PCDHGA6: variants seen among roughly 807,000 people sequenced by gnomAD.
PCDHGA6 encodes the protein protocadherin gamma subfamily A, 6, also known as protocadherin gamma-A6.
A neutral mutation model predicts 60.6 loss-of-function variants in PCDHGA6; 41 were observed. That is an observed-to-expected ratio of 0.68 (90% CI 0.53 to 0.88). The LOEUF (loss-of-function observed/expected upper bound fraction) is 0.88. Among genes scored for constraint, PCDHGA6 ranks in the 40% least tolerant of loss-of-function variants. PCDHGA6 has a pLI of 0.00. For synonymous variants in PCDHGA6, 594 were observed against 524.4 expected (o/e 1.13, Z -1.81); for missense variants, 1,312 against 1,203.0 (o/e 1.09, Z -1.34).
In PCDHGA6 at chr5:141,385,111, T is replaced by G. The variant is rs373196114; in HGVS notation, c.2424+8604T>G. 2.8e-5 allele frequency: 46 copies of G among 1,614,188 alleles called. No individual in the cohort carries two copies. The African/African-American group carries it at 5.6e-4, about 20-fold the overall frequency. On this transcript the variant is annotated intron_variant, in intron 1 of 3. Transcript: ENST00000517434. ...AGGTGGCTTGGCGAACGTGCCCACCTCGCACTTTGTGGGCATGGACGGGGT... is the reference window on the plus strand; with the variant it reads ...AGGTGGCTTGGCGAACGTGCCCACCGCGCACTTTGTGGGCATGGACGGGGT...
rs2095935492 is a variant in PCDHGA6 at position 141,415,755 on chromosome 5, T to TG, written c.2424+39248_2424+39249insG. ...GTTTATTAAGGTTTTTTTTTTTTTT[T>TG]TTTTTTTTTTTTTTTTTACTTTCTG... On this transcript the variant is annotated intron_variant, in intron 1 of 3. Coordinates refer to ENST00000517434, the MANE Select transcript of PCDHGA6 (RefSeq NM_018919.3). 10 of 1,387,646 alleles carry TG rather than the reference T, an allele frequency of 7.2e-6. No individual in the cohort carries two copies. The African/African-American group carries it at 1.4e-4, about 19-fold the overall frequency. The allele number at this position is 1,387,646 out of a possible 1,614,324, so 86.0% of individuals were successfully genotyped here.
At position 141,375,602 on chromosome 5, in the gene PCDHGA6, A is replaced by G. The variant is rs1237264318; in HGVS notation, c.1519A>G (p.Ile507Val). Reference protein sequence around the residue: ...QGAPLSSYVSINSDTGILYAL... With the variant: ...QGAPLSSYVSVNSDTGILYAL... Reference sequence around the variant, plus strand: ...GGCGCCCCTGTCCTCCTACGTGTCCATCAACTCCGACACTGGGATTCTGTA... The same window carrying G: ...GGCGCCCCTGTCCTCCTACGTGTCCGTCAACTCCGACACTGGGATTCTGTA... The change falls in exon 1 of 4, where the codon ATC becomes GTC. Residue 507 changes from isoleucine (I) to valine (V), a missense_variant. Transcript: ENST00000517434. 5 of 1,614,120 alleles carry G rather than the reference A, an allele frequency of 3.1e-6. No individual in the cohort carries two copies. Among genetic ancestry groups the G allele is most frequent in the African/African-American group, 1.3e-5 (1 of 75,042 alleles).
chr5:141,444,472 C>A (rs559334960), intron 1 of PCDHGA6, among the ~76,000 whole-genome samples: 2 of 151,850 alleles, frequency 1.3e-5, no homozygotes, highest in Non-Finnish European at 2.9e-5. Context: ...CGCCCGGTCG[C>A]GTACTGGATT....
At chr5:141,451,060 C>T (rs1241509553) in intron 1 of PCDHGA6, among the ~76,000 whole-genome samples, 1 of 151,562 alleles carries the variant, frequency 6.6e-6, no homozygotes, top group African/African-American at 2.4e-5. Context: ...GAACTCCTGA[C>T]CTTGTGATCC....
intron 1 of PCDHGA6, chr5:141,394,928 C>T (rs2093129787): frequency 7.4e-6 from 12 of 1,613,838 alleles, no homozygotes; most frequent in Non-Finnish European, 1.0e-5. Context: ...GTGTCTTCCT[C>T]GCCTTTGTCG....
At chr5:141,385,170 C>T (rs1561606866) in intron 1 of PCDHGA6, 2 of 1,614,212 alleles carry the variant, frequency 1.2e-6, no homozygotes, top group Non-Finnish European at 1.7e-6. Flanking sequence ...CCCATGAGGT[C>T]TCCCTCACCG....
In PCDHGA6 at chr5:141,477,850, G is replaced by C. The variant is rs2099420608; in HGVS notation, c.2425-16957G>C. On this transcript the variant is annotated intron_variant, in intron 1 of 3. Coordinates refer to ENST00000517434, the MANE Select transcript of PCDHGA6 (RefSeq NM_018919.3). The surrounding 1 kb of genome is among the most constrained non-coding windows in gnomAD (Gnocchi z 4.9). Reference sequence around the variant, plus strand: ...CTCGGCCAGGTGGGAGCTCGGTGGAGATGCTGCCTCGAGGTACCTCAGCTG... The same window carrying C: ...CTCGGCCAGGTGGGAGCTCGGTGGACATGCTGCCTCGAGGTACCTCAGCTG... 6.2e-6 allele frequency: 10 copies of C among 1,613,328 alleles called. No individual in the cohort carries two copies. Among genetic ancestry groups the C allele is most frequent in the Non-Finnish European group, 7.6e-6 (9 of 1,179,812 alleles).
At chr5:141,483,273 T>G (rs6860615) in intron 1 of PCDHGA6, among the ~76,000 whole-genome samples, 62,442 of 151,936 alleles carry the variant, frequency 0.41, 15,417 homozygotes, top group African/African-American at 0.7. Flanking sequence ...GTTTTAGAAA[T>G]ATTATTCTGT....
At chr5:141,414,964 G>C (rs1245472476) in intron 1 of PCDHGA6, 11 of 1,613,874 alleles carry the variant, frequency 6.8e-6, no homozygotes, top group Non-Finnish European at 9.3e-6. Context: ...CAAGGTGGTG[G>C]CGGTGGACAG....
intron 1 of PCDHGA6, chr5:141,414,594 C>T: frequency 1.2e-6 from 2 of 1,613,952 alleles, no homozygotes; most frequent in Non-Finnish European, 1.7e-6. Flanking sequence ...CCAGGGGTGC[C>T]TCCATCTTCT....
At chr5:141,393,194 C>A in intron 1 of PCDHGA6, 2 of 1,613,362 alleles carry the variant, frequency 1.2e-6, no homozygotes, top group Non-Finnish European at 1.7e-6. Context: ...TTGATATTAA[C>A]GATAATAACC....
rs914956962 is a variant in PCDHGA6, at chr5:141,420,736, A to G, written c.2424+44229A>G. Among the ~76,000 whole-genome samples, 4 of 152,370 alleles carry G rather than the reference A, an allele frequency of 2.6e-5. No individual in the cohort carries two copies. In the East Asian group the frequency reaches 7.7e-4, roughly 29 times the overall value. On this transcript the variant is annotated intron_variant, in intron 1 of 3. Coordinates refer to ENST00000517434, the MANE Select transcript of PCDHGA6 (RefSeq NM_018919.3). ...TCGTTCCTTTCAGTCGGTTAAAATC[A>G]ATTGGAACCAACTACAACCTACAAG...
In PCDHGA6 at chr5:141,376,465, T is replaced by A; in HGVS notation, c.2382T>A (p.Thr794=). ...AGAAAAGCGAGCCTCTTCTGATAAC[T>A]CAGGATTTACTTGAAACGAAAGGAG... is the stretch of plus-strand genomic sequence containing the variant. ...SYEKSEPLLI[T]QDLLETKGEP... The change falls in exon 1 of 4, where the codon ACT becomes ACA. Residue 794 remains threonine (T), a synonymous_variant. Coordinates refer to ENST00000517434, the MANE Select transcript of PCDHGA6 (RefSeq NM_018919.3). The A allele has an allele frequency of 1.9e-6, 3 of 1,614,178 alleles. No individual in the cohort carries two copies. The highest frequency in any genetic ancestry group is 2.2e-5 in the East Asian group (1 of 44,868).
intron 1 of PCDHGA6, chr5:141,384,297 C>A (rs753406812): frequency 1.2e-6 from 2 of 1,613,848 alleles, no homozygotes; most frequent in South Asian, 2.2e-5. Context: ...AGAACAACCC[C>A]AGAGGGGCCT....
intron 1 of PCDHGA6, chr5:141,384,388 CA>C (rs1780036142): frequency 2.5e-6 from 4 of 1,613,934 alleles, no homozygotes; most frequent in Non-Finnish European, 3.4e-6. Flanking sequence ...AGACACCATC[CA>C]GGGGGCTCCA....
intron 1 of PCDHGA6, among the ~76,000 whole-genome samples, chr5:141,380,761 A>G (rs952416806): frequency 6.6e-6 from 1 of 152,224 alleles, no homozygotes; most frequent in African/African-American, 2.4e-5. Flanking sequence ...GACACTATAA[A>G]TTAATTGAGA....
At chr5:141,451,019 G>A (rs1348607593) in intron 1 of PCDHGA6, among the ~76,000 whole-genome samples, 7 of 151,274 alleles carry the variant, frequency 4.6e-5, no homozygotes, top group Admixed American at 2.0e-4. Context: ...TAGTAGAGAC[G>A]AGGTTTCACC....
At chr5:141,423,066 C>T (rs1375575018) in intron 1 of PCDHGA6, 2 of 1,614,002 alleles carry the variant, frequency 1.2e-6, no homozygotes, top group South Asian at 1.1e-5. Context: ...TTAAGGCCAG[C>T]GAGCCGGGAC....
chr5:141,457,111 G>A (rs922281700), intron 1 of PCDHGA6, among the ~76,000 whole-genome samples: 4 of 152,120 alleles, frequency 2.6e-5, no homozygotes, highest in South Asian at 2.1e-4. Flanking sequence ...AGCAAAATAC[G>A]ACAGCAATGG....
Sources: gnomAD v4.1 joint callset for allele counts (sites outside exome capture counted in the v4.1 genomes callset) on GRCh38, gnomAD v4.1.1 for gene constraint, Gnocchi (gnomAD v3.1) non-coding constraint, MANE v1.5 for transcripts, NCBI Gene and HGNC (gene_info 2026-07-23, HGNC 2026-07-21) for gene names.